The following THSD7A variants were observed in gnomAD, a reference collection of about 807,000 sequenced individuals.
The protein encoded by THSD7A is thrombospondin type 1 domain containing 7A.
In THSD7A, 96 loss-of-function variants were observed where a neutral mutation model predicts 231.3. The observed-to-expected ratio is 0.41, with a 90% CI of 0.35 to 0.49. The LOEUF is 0.49. THSD7A is among the 20% of genes least tolerant of loss of function. The pLI is 0.05. For missense variants in THSD7A, 2,290 were observed against 2,070.2 expected (o/e 1.11, Z -2.06); for synonymous variants, 940 against 743.3 (o/e 1.26, Z -4.30).
Position 11,406,505 on chromosome 7 carries a change from A to G in THSD7A, c.4063-31T>C. ...ATGGAGGAAGAAATAACTAATTAGA[A>G]AAAGAGAAATACTTCATTAGAGAGC... On this transcript the variant is annotated intron_variant, in intron 21 of 27. Coordinates refer to ENST00000423059, the MANE Select transcript of THSD7A (RefSeq NM_015204.3). This position sits in a 1 kb window ranked among gnomAD's most constrained non-coding sequence, Gnocchi z 4.7. The G allele has an allele frequency of 6.4e-7, 1 of 1,573,516 alleles. No individual in the cohort carries two copies. The highest frequency in any genetic ancestry group is 8.6e-7 in the Non-Finnish European group (1 of 1,160,606).
At chr7:11,643,734 C>T (rs1202461066) in intron 1 of THSD7A, among the ~76,000 whole-genome samples, 1 of 152,008 alleles carries the variant, frequency 6.6e-6, no homozygotes, top group South Asian at 2.1e-4. Context: ...CATGATTTTT[C>T]TAACTGATGT....
chr7:11,676,212 T>C (rs996353680), intron 1 of THSD7A, among the ~76,000 whole-genome samples: 1 of 151,946 alleles, frequency 6.6e-6, no homozygotes, highest in Middle Eastern at 3.2e-3. Flanking sequence ...CAGAAAGCAA[T>C]AGCATCAACA....
chr7:11,402,344 G>A (rs531452105), intron 22 of THSD7A, among the ~76,000 whole-genome samples: 2 of 152,254 alleles, frequency 1.3e-5, no homozygotes, highest in South Asian at 4.1e-4. Flanking sequence ...CTCAAAGAAA[G>A]CCTAAATATA....
At chr7:11,647,535 G>C (rs987711182) in intron 1 of THSD7A, among the ~76,000 whole-genome samples, 1 of 152,036 alleles carries the variant, frequency 6.6e-6, no homozygotes, top group East Asian at 1.9e-4. Context: ...TGAGTATGTA[G>C]AAAGTCCAGT....
rs149332022 is a variant in THSD7A, at chr7:11,493,835, T to C, written c.1823-11853A>G. ...GAACAGAGAAGGTAATGAAGTTTTA[T>C]GGTAGTGGTTGCCTAATAGAAACCT... On this transcript the variant is annotated intron_variant, in intron 6 of 27. Transcript: ENST00000423059. 3.6e-3 allele frequency among the ~76,000 whole-genome samples: 554 copies of C among 152,170 alleles called. 6 individuals carry two copies. Among genetic ancestry groups the C allele is most frequent in the Middle Eastern group, 0.02 (6 of 294 alleles).
chr7:11,655,419 T>C (rs1782667039), intron 1 of THSD7A, among the ~76,000 whole-genome samples: 1 of 151,798 alleles, frequency 6.6e-6, no homozygotes, highest in South Asian at 2.1e-4. Context: ...TTCTTTCTCA[T>C]ATGCCTATAA....
intron 4 of THSD7A, among the ~76,000 whole-genome samples, chr7:11,546,109 C>T (rs542924369): frequency 1.3e-5 from 2 of 152,066 alleles, no homozygotes; most frequent in African/African-American, 4.8e-5. Context: ...CAGATGGACC[C>T]TCCCCAGCAT....
In THSD7A at chr7:11,637,292, T is replaced by C. The variant is rs1462192592; in HGVS notation, c.191-331A>G. Among the ~76,000 whole-genome samples the C allele has an allele frequency of 6.6e-6, 1 of 152,160 alleles. No individual in the cohort carries two copies. The highest frequency in any genetic ancestry group is 1.5e-5 in the Non-Finnish European group (1 of 68,024). On this transcript the variant is annotated intron_variant, in intron 1 of 27. Coordinates refer to ENST00000423059, the MANE Select transcript of THSD7A (RefSeq NM_015204.3). This position sits in a 1 kb window ranked among gnomAD's most constrained non-coding sequence, Gnocchi z 4.2. Reference sequence around the variant, plus strand: ...AAAGGACATCAGAAATTAGTCACAGTGAAAACTCATTACTCCGGCCTCACA... The same window carrying C: ...AAAGGACATCAGAAATTAGTCACAGCGAAAACTCATTACTCCGGCCTCACA...
At chr7:11,378,291 G>T (rs755931105) in intron 26 of THSD7A, 2 of 152,122 alleles carry the variant, frequency 1.3e-5, no homozygotes, top group Non-Finnish European at 2.9e-5. Context: ...AGAAAAAGTG[G>T]CATATTAGCT....
At chr7:11,633,242 C>T (rs1202090223) in intron 2 of THSD7A, among the ~76,000 whole-genome samples, 1 of 152,076 alleles carries the variant, frequency 6.6e-6, no homozygotes, top group African/African-American at 2.4e-5. Flanking sequence ...ATCTCTTGGT[C>T]CTGCTAAGAT....
chr7:11,709,969 G>C (rs1020401323), intron 1 of THSD7A, among the ~76,000 whole-genome samples: 4 of 150,758 alleles, frequency 2.7e-5, no homozygotes, highest in African/African-American at 9.7e-5. Context: ...TTAAAAGGTT[G>C]GATCAAATGT....
chr7:11,580,925 T>C (rs1472909747), intron 4 of THSD7A, among the ~76,000 whole-genome samples: 1 of 152,146 alleles, frequency 6.6e-6, no homozygotes, highest in Admixed American at 6.5e-5. Flanking sequence ...TAAAAAATTA[T>C]ATCTTCAACA....
chr7:11,675,593 C>T (rs751821096), intron 1 of THSD7A, among the ~76,000 whole-genome samples: 1 of 152,150 alleles, frequency 6.6e-6, no homozygotes, highest in Non-Finnish European at 1.5e-5. Context: ...GGGCATCCAC[C>T]ATTACTGAAG....
Position 11,377,462 on chromosome 7 carries a change from T to C in THSD7A, c.4802-805A>G, listed in dbSNP as rs572291925. Reference sequence around the variant, plus strand: ...TCTGTTGCAATTAAATATTTGATCTTAGTGTTAAAATTATAGATTGGGCAA... The same window carrying C: ...TCTGTTGCAATTAAATATTTGATCTCAGTGTTAAAATTATAGATTGGGCAA... On this transcript the variant is annotated intron_variant, in intron 26 of 27. Coordinates refer to ENST00000423059, the MANE Select transcript of THSD7A (RefSeq NM_015204.3). This position sits in a 1 kb window ranked among gnomAD's most constrained non-coding sequence, Gnocchi z 4.5. 8.5e-5 allele frequency among the ~76,000 whole-genome samples: 13 copies of C among 152,208 alleles called. No individual in the cohort carries two copies. The South Asian group carries it at 2.7e-3, about 32-fold the overall frequency.
intron 4 of THSD7A, among the ~76,000 whole-genome samples, chr7:11,571,288 T>C (rs1790617268): frequency 6.6e-6 from 1 of 152,192 alleles, no homozygotes. Flanking sequence ...GAAAGGAAAT[T>C]ACGATGTTAT....
At chr7:11,748,132 T>A (rs1782371206) in intron 1 of THSD7A, among the ~76,000 whole-genome samples, 1 of 151,936 alleles carries the variant, frequency 6.6e-6, no homozygotes, top group Admixed American at 6.6e-5. Flanking sequence ...AGAGGCCAGA[T>A]ACAATGCAAC....
At chr7:11,727,416 C>T (rs1388327070) in intron 1 of THSD7A, among the ~76,000 whole-genome samples, 6 of 151,926 alleles carry the variant, frequency 3.9e-5, no homozygotes, top group Non-Finnish European at 8.8e-5. Flanking sequence ...TGATAACACT[C>T]ATAATAGGAG....
chr7:11,508,406 G>C (rs1160700027), intron 6 of THSD7A, among the ~76,000 whole-genome samples: 1 of 151,888 alleles, frequency 6.6e-6, no homozygotes, highest in African/African-American at 2.4e-5. Context: ...TATGATCAAA[G>C]GCAAAGGCAA....
At chr7:11,658,445 T>TC (rs1344181841) in intron 1 of THSD7A, among the ~76,000 whole-genome samples, 2 of 151,848 alleles carry the variant, frequency 1.3e-5, no homozygotes, top group Middle Eastern at 3.4e-3. Context: ...GCCTTTTTTT[T>TC]CACTCAGATG....
Sources: allele counts gnomAD v4.1 joint callset (sites outside exome capture counted in the v4.1 genomes callset), GRCh38; gene constraint gnomAD v4.1.1; non-coding constraint Gnocchi (gnomAD v3.1); transcripts MANE v1.5; gene names NCBI Gene and HGNC (gene_info 2026-07-23, HGNC 2026-07-21).